The following SMIM23 variants were observed in gnomAD, a reference collection of about 807,000 sequenced individuals.
SMIM23 encodes the protein CTB-78H18.1.
In SMIM23, 10 loss-of-function variants were observed where a neutral mutation model predicts 12.8. The ratio of observed to expected loss-of-function variants is 0.78; its 90% CI spans 0.48 to 1.32. SMIM23 has a LOEUF of 1.32. SMIM23 is among the 40% of genes most tolerant of loss of function. The probability of loss-of-function intolerance (pLI) is 0.00; values close to 1 mark genes in which losing one functional copy is unlikely to be tolerated. For missense variants in SMIM23, 184 were observed against 198.2 expected (o/e 0.93, Z 0.43); for synonymous variants, 78 against 80.1 (o/e 0.97, Z 0.14).
chr5:171,788,354 A>G (rs558617601), intron 1 of SMIM23, among the ~76,000 whole-genome samples: 3 of 152,294 alleles, frequency 2.0e-5, no homozygotes, highest in South Asian at 2.1e-4. Context: ...ATTAATAACC[A>G]TTTTTAATTG....
the SMIM23 span, among the ~76,000 whole-genome samples, chr5:171,772,692 C>T: frequency 6.6e-6 from 1 of 152,198 alleles, no homozygotes; most frequent in East Asian, 1.9e-4. Flanking sequence ...GCTGACTTGA[C>T]CTTGGCCAGC....
chr5:171,777,284 G>A, the SMIM23 span, among the ~76,000 whole-genome samples: 209 of 152,324 alleles, frequency 1.4e-3, no homozygotes, highest in African/African-American at 4.9e-3. Flanking sequence ...CCTGGATGTC[G>A]AAGTACAGTA....
intron 2 of SMIM23, 40 bp downstream of exon 2, chr5:171,790,321 A>G: frequency 2.0e-6 from 3 of 1,533,912 alleles, no homozygotes; most frequent in Non-Finnish European, 1.7e-6. Flanking sequence ...AACCAAATCC[A>G]CATGAAGCTT....
upstream of SMIM23, chr5:171,782,878 TAGTAA>T (rs1018408441): frequency 3.3e-5 from 5 of 152,182 alleles, no homozygotes; most frequent in African/African-American, 7.2e-5. Context: ...AGAGAAGCTG[TAGTAA>T]AGTAATCTAG....
chr5:171,778,332 G>C (rs1033845326), upstream of SMIM23, among the ~76,000 whole-genome samples: 3 of 151,738 alleles, frequency 2.0e-5, no homozygotes, highest in Admixed American at 6.6e-5. Flanking sequence ...ACTCCAGCCT[G>C]GGTGACAGAG....
rs202159150 is a variant in SMIM23 at position 171,787,004 on chromosome 5, C to CTTTTT, written c.105+1056_105+1060dup. Among the ~76,000 whole-genome samples the CTTTTT allele has an allele frequency of 2.1e-4, 15 of 71,282 alleles. 1 individual carries two copies. The highest frequency in any genetic ancestry group is 4.4e-4 in the African/African-American group (9 of 20,356). The allele number at this position is 71,282 out of a possible 152,430, so 46.8% of individuals were successfully genotyped here. On this transcript the variant is annotated intron_variant, in intron 1 of 3. Coordinates refer to ENST00000523047, the MANE Select transcript of SMIM23 (RefSeq NM_001289970.2). ...GATTCTACCAGAGTCCCATTGTTTC[C>CTTTTT]TTTTTTTTTTTTTTTTTTTTTTTTT...
At chr5:171,786,048 G>T (rs1013133140) in intron 1 of SMIM23, 72 bp downstream of exon 1, 221 of 1,221,982 alleles carry the variant, frequency 1.8e-4, no homozygotes, top group Non-Finnish European at 2.4e-4. Flanking sequence ...CAGACTAGAA[G>T]TCCCTCAAAG....
At position 171,785,876 on chromosome 5, in the gene SMIM23, C is replaced by T; in HGVS notation, c.5C>T (p.Ala2Val). The T allele has an allele frequency of 6.5e-7, 1 of 1,536,198 alleles. No homozygotes were observed. Among genetic ancestry groups the T allele is most frequent in the African/African-American group, 1.4e-5 (1 of 73,170 alleles). ...CAGGCAGCCAGATCTGAGGCCATGG[C>T]AACCCAGCAAGTGGACAGCAGAAGG... is the stretch of plus-strand genomic sequence containing the variant. M[A>V]TQQVDSRRQV... Residue 2 changes from alanine (A) to valine (V), a missense_variant, in exon 1 of 4, where the codon GCA (alanine) becomes GTA (valine). Ala to Val is a moderately conservative substitution (Grantham distance 64). Coordinates refer to ENST00000523047, the MANE Select transcript of SMIM23 (RefSeq NM_001289970.2).
the SMIM23 span, chr5:171,773,846 G>C: frequency 2.2e-6 from 1 of 456,144 alleles, no homozygotes; most frequent in African/African-American, 2.0e-5. Flanking sequence ...TAATTTTTAA[G>C]ACAACTTATT....
chr5:171,785,064 G>T (rs142238915), upstream of SMIM23, among the ~76,000 whole-genome samples: 129 of 152,276 alleles, frequency 8.5e-4, 1 homozygote, highest in African/African-American at 2.9e-3. Flanking sequence ...CAGCCATCAC[G>T]AAGCAGCACA....
At chr5:171,786,676 C>T (rs148186173) in intron 1 of SMIM23, among the ~76,000 whole-genome samples, 4 of 152,298 alleles carry the variant, frequency 2.6e-5, no homozygotes, top group African/African-American at 9.6e-5. Flanking sequence ...AAGACTTGTT[C>T]ACTCATTAAT....
chr5:171,788,681 G>A (rs1755863771), intron 1 of SMIM23, among the ~76,000 whole-genome samples: 1 of 152,024 alleles, frequency 6.6e-6, no homozygotes, highest in Non-Finnish European at 1.5e-5. Flanking sequence ...AATAACTACA[G>A]GCCCAAAAGT....
upstream of SMIM23, among the ~76,000 whole-genome samples, chr5:171,778,447 TCACACACACACACACACACACACACA>T (rs4041455): frequency 1.4e-5 from 2 of 141,548 alleles, no homozygotes; most frequent in African/African-American, 2.6e-5. Context: ...TGGGAAAATT[TCACACACACACACACACACACACACA>T]CACACACACA....
upstream of SMIM23, among the ~76,000 whole-genome samples, chr5:171,785,169 C>G (rs1055445529): frequency 6.6e-6 from 1 of 152,056 alleles, no homozygotes; most frequent in Admixed American, 6.6e-5. Context: ...CACACACACA[C>G]ACACACACAA....
intron 1 of SMIM23, 31 bp downstream of exon 1, chr5:171,786,007 C>T: frequency 6.6e-7 from 1 of 1,509,720 alleles, no homozygotes; most frequent in Non-Finnish European, 8.9e-7. Flanking sequence ...TGCTGCTTTC[C>T]TCCCATCTGG....
At chr5:171,786,388 T>C (rs1009173210) in intron 1 of SMIM23, among the ~76,000 whole-genome samples, 1 of 152,224 alleles carries the variant, frequency 6.6e-6, no homozygotes, top group Non-Finnish European at 1.5e-5. Flanking sequence ...AAAACATTAA[T>C]GCTTGCTGCA....
chr5:171,787,952 A>G (rs186993162), intron 1 of SMIM23, among the ~76,000 whole-genome samples: 1 of 152,058 alleles, frequency 6.6e-6, no homozygotes, highest in East Asian at 1.9e-4. Context: ...TTTTAAGTTA[A>G]TAGTAATGTA....
chr5:171,781,956 C>A (rs190724935), upstream of SMIM23, among the ~76,000 whole-genome samples: 1 of 152,342 alleles, frequency 6.6e-6, no homozygotes, highest in Admixed American at 6.5e-5. Context: ...GCCCAATCAG[C>A]ACTCTGTAAA....
chr5:171,776,504 A>T, the SMIM23 span, among the ~76,000 whole-genome samples: 1 of 152,198 alleles, frequency 6.6e-6, no homozygotes, highest in Non-Finnish European at 1.5e-5. Context: ...TTCCAGGAAC[A>T]GCGAAGTCAC....
Sources: allele counts gnomAD v4.1 joint callset (sites outside exome capture counted in the v4.1 genomes callset), GRCh38; gene constraint gnomAD v4.1.1; transcripts MANE v1.5; gene names NCBI Gene and HGNC (gene_info 2026-07-23, HGNC 2026-07-21).